MYO3B: variants seen among roughly 807,000 people sequenced by gnomAD.
The protein encoded by MYO3B is myosin-IIIb.
In MYO3B, 156 loss-of-function variants were observed where a neutral mutation model predicts 174.6. The observed-to-expected ratio is 0.89, with a 90% CI of 0.78 to 1.02. The LOEUF (loss-of-function observed/expected upper bound fraction) is 1.02. Among genes scored for constraint, MYO3B ranks in the 50% least tolerant of loss-of-function variants. The pLI is 0.00. For missense variants in MYO3B, 1,632 were observed against 1,639.4 expected, an observed-to-expected ratio of 1.00 and a Z score of 0.08; for synonymous variants, 563 against 569.1, an observed-to-expected ratio of 0.99 and a Z score of 0.15.
chr2:170,332,679 C>A (rs1467007923), intron 7 of MYO3B, among the ~76,000 whole-genome samples: 1 of 152,150 alleles, frequency 6.6e-6, no homozygotes, highest in Non-Finnish European at 1.5e-5. Context: ...TGCTATGATG[C>A]TGGGCTTCAA....
intron 7 of MYO3B, among the ~76,000 whole-genome samples, chr2:170,261,983 G>A (rs748750355): frequency 2.0e-5 from 3 of 152,238 alleles, no homozygotes; most frequent in Non-Finnish European, 4.4e-5. Context: ...GGGAGATGTA[G>A]TGATCAGTCA....
chr2:170,450,361 C>T (rs1683530652), intron 23 of MYO3B, among the ~76,000 whole-genome samples: 1 of 152,144 alleles, frequency 6.6e-6, no homozygotes, highest in Non-Finnish European at 1.5e-5. Context: ...GAAAGTTTGT[C>T]ACATATCAAA....
intron 7 of MYO3B, among the ~76,000 whole-genome samples, chr2:170,268,608 A>C (rs3914752): frequency 0.89 from 135,640 of 152,164 alleles, 61,788 homozygotes; most frequent in East Asian, 0.98. Flanking sequence ...GGGATGAGGA[A>C]ATAAACTTTA....
chr2:170,576,370 A>G (rs979038381), intron 32 of MYO3B, among the ~76,000 whole-genome samples: 1 of 152,214 alleles, frequency 6.6e-6, no homozygotes, highest in Admixed American at 6.5e-5. Flanking sequence ...AACTGGAACT[A>G]CTGCTACAGC....
At chr2:170,283,200 C>G (rs1242964912) in intron 7 of MYO3B, among the ~76,000 whole-genome samples, 1 of 152,076 alleles carries the variant, frequency 6.6e-6, no homozygotes, top group Non-Finnish European at 1.5e-5. Context: ...TCTGGGAGCT[C>G]TCTACTTCAG....
At chr2:170,383,400 C>T (rs553276185) in intron 11 of MYO3B, among the ~76,000 whole-genome samples, 5 of 152,310 alleles carry the variant, frequency 3.3e-5, no homozygotes, top group East Asian at 1.9e-4. Flanking sequence ...ACATTTATTG[C>T]GTGCTTACTG....
intron 32 of MYO3B, among the ~76,000 whole-genome samples, chr2:170,635,859 C>T (rs34901459): frequency 4.6e-5 from 7 of 152,162 alleles, no homozygotes; most frequent in African/African-American, 1.4e-4. Flanking sequence ...AAACCAAGTT[C>T]GTAACCACAT....
intron 7 of MYO3B, among the ~76,000 whole-genome samples, chr2:170,259,279 C>G (rs528448986): frequency 6.6e-6 from 1 of 152,038 alleles, no homozygotes; most frequent in East Asian, 1.9e-4. Flanking sequence ...AAAAAGAACA[C>G]AGCCAGAGGC....
intron 32 of MYO3B, among the ~76,000 whole-genome samples, chr2:170,634,191 A>G (rs114058501): frequency 0.02 from 3,069 of 152,280 alleles, 54 homozygotes; most frequent in Non-Finnish European, 0.026. Context: ...CAAAGCTGGA[A>G]GAATCACGCT....
At chr2:170,641,685 T>A (rs1042902308) in intron 32 of MYO3B, among the ~76,000 whole-genome samples, 1 of 152,136 alleles carries the variant, frequency 6.6e-6, no homozygotes, top group Admixed American at 6.5e-5. Flanking sequence ...GTCTCAGCAG[T>A]TACTACTATT....
At chr2:170,317,394 A>C (rs2093783525) in intron 7 of MYO3B, among the ~76,000 whole-genome samples, 1 of 152,192 alleles carries the variant, frequency 6.6e-6, no homozygotes, top group African/African-American at 2.4e-5. Flanking sequence ...GTTCTGTTTC[A>C]TTAGGTCTGT....
At chr2:170,435,336 T>C (rs1291318773) in intron 22 of MYO3B, among the ~76,000 whole-genome samples, 4 of 152,146 alleles carry the variant, frequency 2.6e-5, no homozygotes, top group Non-Finnish European at 5.9e-5. Context: ...GGGAGGACTT[T>C]GAAAGGAGAG....
chr2:170,391,706 A>C (rs2094413298), intron 15 of MYO3B, 88 bp downstream of exon 15: 2 of 757,588 alleles, frequency 2.6e-6, no homozygotes, highest in Admixed American at 3.0e-5. Context: ...CTGTTTTCCT[A>C]ACTGGAAACT....
chr2:170,400,404 T>A, intron 17 of MYO3B, 90 bp downstream of exon 17: 9 of 682,086 alleles, frequency 1.3e-5, no homozygotes, highest in African/African-American at 2.1e-5. Flanking sequence ...TGCTGGTCCT[T>A]TTTTTTTTTT....
At chr2:170,235,774 A>T (rs1028557209) in intron 6 of MYO3B, among the ~76,000 whole-genome samples, 1 of 152,240 alleles carries the variant, frequency 6.6e-6, no homozygotes, top group Non-Finnish European at 1.5e-5. Flanking sequence ...ATGCTTTTTA[A>T]AAACAAAACT....
At chr2:170,497,837 C>T (rs4668264) in intron 25 of MYO3B, among the ~76,000 whole-genome samples, 139,497 of 151,086 alleles carry the variant, frequency 0.92, 65,328 homozygotes, top group Non-Finnish European at 1. Flanking sequence ...CCCAGCTACT[C>T]GGGAGGCTGA....
chr2:170,505,045 C>G (rs1022671669), intron 28 of MYO3B, among the ~76,000 whole-genome samples: 1 of 151,940 alleles, frequency 6.6e-6, no homozygotes, highest in Non-Finnish European at 1.5e-5. Flanking sequence ...GAGATCTCTG[C>G]GGGCCCAAAC....
chr2:170,583,743 G>T (rs1333659118), intron 32 of MYO3B, among the ~76,000 whole-genome samples: 2 of 151,914 alleles, frequency 1.3e-5, no homozygotes, highest in South Asian at 2.1e-4. Flanking sequence ...TATCTAAAAG[G>T]TACTCTTCCT....
At chr2:170,358,473 T>C (rs75762868) in intron 8 of MYO3B, among the ~76,000 whole-genome samples, 11,331 of 152,126 alleles carry the variant, frequency 0.074, 518 homozygotes, top group Middle Eastern at 0.12. Context: ...GGGTTTCTTT[T>C]TGGGGTGATG....
Sources: gnomAD v4.1 joint callset for allele counts (sites outside exome capture counted in the v4.1 genomes callset) on GRCh38, gnomAD v4.1.1 for gene constraint, MANE v1.5 for transcripts, NCBI Gene and HGNC (gene_info 2026-07-23, HGNC 2026-07-21) for gene names.